TMEFF2: variants seen among roughly 807,000 people sequenced by gnomAD.
The protein encoded by TMEFF2 is transmembrane protein with EGF like and two follistatin like domains 2.
Under a neutral mutation model 53.8 loss-of-function variants are expected in TMEFF2, and 28 were observed. The ratio of observed to expected loss-of-function variants is 0.52; its 90% CI spans 0.39 to 0.71. TMEFF2 has a LOEUF of 0.71. TMEFF2 is among the 30% of genes least tolerant of loss of function. The pLI is 0.00. For synonymous variants in TMEFF2, 162 were observed against 166.3 expected (o/e 0.97, Z 0.20); for missense variants, 353 against 455.2 (o/e 0.78, Z 2.04).
intron 4 of TMEFF2, among the ~76,000 whole-genome samples, chr2:192,062,256 A>G (rs1688062420): frequency 1.3e-5 from 2 of 152,134 alleles, no homozygotes; most frequent in South Asian, 4.1e-4. Context: ...TTCAATATGT[A>G]ATTTTTGTGT....
Position 192,042,741 on chromosome 2 carries a change from G to A in TMEFF2, c.536+14938C>T, listed in dbSNP as rs548088370. Among the ~76,000 whole-genome samples the A allele has an allele frequency of 9.4e-4, 143 of 152,254 alleles. 1 individual carries two copies. Among genetic ancestry groups the A allele is most frequent in the Non-Finnish European group, 1.7e-3 (114 of 68,012 alleles). On this transcript the variant is annotated intron_variant, in intron 5 of 9. Coordinates refer to ENST00000272771, the MANE Select transcript of TMEFF2 (RefSeq NM_016192.4). ...GGTTGACTGAAACATGGAGCAAAAG[G>A]TGGTCCACAGTGAGCGAATTAGAAA...
chr2:192,139,513 C>A (rs946740601), intron 4 of TMEFF2, among the ~76,000 whole-genome samples: 1 of 152,138 alleles, frequency 6.6e-6, no homozygotes, highest in Non-Finnish European at 1.5e-5. Context: ...ACAAATCATT[C>A]TGGGTAATCA....
intron 4 of TMEFF2, among the ~76,000 whole-genome samples, chr2:192,130,685 T>C (rs1689798708): frequency 6.6e-6 from 1 of 151,918 alleles, no homozygotes; most frequent in South Asian, 2.1e-4. Flanking sequence ...CCAAATCCTA[T>C]GAAACGGCCC....
At position 192,187,994 on chromosome 2, in the gene TMEFF2, A is replaced by G. The variant is rs142480494; in HGVS notation, c.283-3511T>C. Reference sequence around the variant, plus strand: ...GCACCTTCCACAGAGTCTGGCATGTAGAAGGTGCTCAACAGATGTTAAGTC... The same window carrying G: ...GCACCTTCCACAGAGTCTGGCATGTGGAAGGTGCTCAACAGATGTTAAGTC... On this transcript the variant is annotated intron_variant, in intron 2 of 9. Coordinates refer to ENST00000272771, the MANE Select transcript of TMEFF2 (RefSeq NM_016192.4). 2.8e-4 allele frequency among the ~76,000 whole-genome samples: 43 copies of G among 152,292 alleles called. 1 individual carries two copies. The East Asian group carries it at 7.5e-3, about 27-fold the overall frequency.
At chr2:191,991,990 T>C (rs1016576993) in intron 7 of TMEFF2, among the ~76,000 whole-genome samples, 12 of 152,126 alleles carry the variant, frequency 7.9e-5, no homozygotes, top group African/African-American at 2.9e-4. Flanking sequence ...TTAGAGTTCA[T>C]AGAAAGCTTT....
intron 4 of TMEFF2, among the ~76,000 whole-genome samples, chr2:192,115,611 T>C (rs1474714772): frequency 1.3e-5 from 2 of 151,970 alleles, no homozygotes; most frequent in Non-Finnish European, 2.9e-5. Context: ...ATTCAAAATA[T>C]ATAAGGAACT....
intron 4 of TMEFF2, among the ~76,000 whole-genome samples, chr2:192,148,793 C>T (rs147887822): frequency 6.6e-6 from 1 of 152,138 alleles, no homozygotes; most frequent in African/African-American, 2.4e-5. Context: ...TTTGTCTAGA[C>T]TTTATTTACG....
intron 6 of TMEFF2, among the ~76,000 whole-genome samples, chr2:191,998,545 G>T (rs1686278961): frequency 6.6e-6 from 1 of 151,800 alleles, no homozygotes; most frequent in Admixed American, 6.6e-5. Flanking sequence ...AGAAGAAGAA[G>T]ATTCACAATT....
intron 7 of TMEFF2, among the ~76,000 whole-genome samples, chr2:191,972,308 CTTTTTTTTTT>C (rs764218539): frequency 7.7e-4 from 56 of 72,820 alleles, no homozygotes; most frequent in African/African-American, 3.0e-3. Flanking sequence ...TCATGCCCAG[CTTTTTTTTTT>C]TTTTTTTTTT....
chr2:191,986,048 G>A (rs972048826), intron 7 of TMEFF2, among the ~76,000 whole-genome samples: 1 of 152,116 alleles, frequency 6.6e-6, no homozygotes, highest in Admixed American at 6.6e-5. Flanking sequence ...AGTTTTAATG[G>A]CATGCCAAAC....
At chr2:192,137,018 A>T (rs1303665791) in intron 4 of TMEFF2, among the ~76,000 whole-genome samples, 1 of 152,252 alleles carries the variant, frequency 6.6e-6, no homozygotes, top group African/African-American at 2.4e-5. Flanking sequence ...ATGAATTTTT[A>T]CAGCATCATA....
intron 4 of TMEFF2, among the ~76,000 whole-genome samples, chr2:192,136,033 C>T (rs146775742): frequency 0.085 from 12,878 of 152,154 alleles, 1,235 homozygotes; most frequent in East Asian, 0.52. Flanking sequence ...CTCAGCCCAC[C>T]TGCACCCAGG....
chr2:191,981,934 TACCAGCAAGCCTAAGA>T (rs1164250411), intron 7 of TMEFF2, among the ~76,000 whole-genome samples: 1 of 152,152 alleles, frequency 6.6e-6, no homozygotes, highest in East Asian at 1.9e-4. Context: ...AAGTCCTGGA[TACCAGCAAGCCTAAGA>T]ACCAGGACAC....
intron 4 of TMEFF2, among the ~76,000 whole-genome samples, chr2:192,157,972 A>C (rs557269952): frequency 6.6e-6 from 1 of 152,140 alleles, no homozygotes; most frequent in East Asian, 1.9e-4. Context: ...TTCGTTTGCC[A>C]AGTTCTTACC....
At chr2:192,137,297 T>A (rs528220752) in intron 4 of TMEFF2, among the ~76,000 whole-genome samples, 6 of 152,124 alleles carry the variant, frequency 3.9e-5, no homozygotes, top group African/African-American at 1.4e-4. Flanking sequence ...TGAAGGTAAA[T>A]GGCCTGCTGA....
At chr2:192,055,774 C>CAA (rs71405038) in intron 5 of TMEFF2, among the ~76,000 whole-genome samples, 887 of 42,248 alleles carry the variant, frequency 0.021, 30 homozygotes, top group African/African-American at 0.041. Flanking sequence ...GACTCCATCT[C>CAA]AAAAAAAAAA....
chr2:192,145,002 G>T (rs1006563659), intron 4 of TMEFF2, among the ~76,000 whole-genome samples: 17 of 151,792 alleles, frequency 1.1e-4, no homozygotes, highest in Admixed American at 6.6e-5. Flanking sequence ...GAAACAAATA[G>T]GTATTTTATT....
At chr2:192,104,538 A>C (rs934213463) in intron 4 of TMEFF2, among the ~76,000 whole-genome samples, 5 of 152,154 alleles carry the variant, frequency 3.3e-5, no homozygotes, top group African/African-American at 1.2e-4. Context: ...AAAAAATAGA[A>C]AGTGGTTACT....
chr2:192,134,470 C>T lies in TMEFF2; in HGVS notation c.439+45198G>A, dbSNP rs1014558856. Among the ~76,000 whole-genome samples the T allele has an allele frequency of 7.9e-5, 12 of 152,300 alleles. No homozygotes were observed. In the Middle Eastern group the frequency reaches 0.014, roughly 173 times the overall value. On this transcript the variant is annotated intron_variant, in intron 4 of 9. Transcript: ENST00000272771. ...CATGCTATAATACAAGCCACTAGCC[C>T]GCCTCTTAGAACCTCTCATTTCCTT...
Sources: allele counts gnomAD v4.1 joint callset (sites outside exome capture counted in the v4.1 genomes callset), GRCh38; gene constraint gnomAD v4.1.1; transcripts MANE v1.5; gene names NCBI Gene and HGNC (gene_info 2026-07-23, HGNC 2026-07-21).